NCOA2: variants seen among roughly 807,000 people sequenced by gnomAD.
NCOA2 encodes the protein class E basic helix-loop-helix protein 75.
In NCOA2, 21 loss-of-function variants were observed where a neutral mutation model predicts 145.1. The observed-to-expected ratio is 0.14, with a 90% CI of 0.10 to 0.21. The LOEUF (loss-of-function observed/expected upper bound fraction) is 0.21. Ranked by LOEUF, NCOA2 falls within the 10% of genes least tolerant of loss-of-function variation. NCOA2 has a pLI of 1.00. For synonymous variants in NCOA2, 619 were observed against 637.5 expected, an observed-to-expected ratio of 0.97 and a Z score of 0.44; for missense variants, 1,472 against 1,837.6, an observed-to-expected ratio of 0.80 and a Z score of 3.64.
At chr8:70,292,226 C>T (rs1280079958) in intron 2 of NCOA2, among the ~76,000 whole-genome samples, 1 of 151,890 alleles carries the variant, frequency 6.6e-6, no homozygotes, top group African/African-American at 2.4e-5. Context: ...GATCTCGGCT[C>T]ACTGCAACCT....
intron 1 of NCOA2, among the ~76,000 whole-genome samples, chr8:70,389,867 T>C (rs772383710): frequency 2.0e-5 from 3 of 151,492 alleles, no homozygotes; most frequent in African/African-American, 4.9e-5. Context: ...GGTTTCACCA[T>C]GTTGGGTGGG....
chr8:70,212,580 C>T (rs183112840), intron 4 of NCOA2, among the ~76,000 whole-genome samples: 78 of 152,142 alleles, frequency 5.1e-4, no homozygotes, highest in African/African-American at 1.8e-3. Context: ...CTATTTTATA[C>T]AGAATTTAGC....
At chr8:70,292,074 C>CAA (rs371226539) in intron 2 of NCOA2, among the ~76,000 whole-genome samples, 15 of 94,102 alleles carry the variant, frequency 1.6e-4, no homozygotes, top group Non-Finnish European at 2.2e-4. Context: ...GACGCCGTCT[C>CAA]AAAAAAAAAA....
At chr8:70,305,408 A>G (rs1827811427) in intron 1 of NCOA2, among the ~76,000 whole-genome samples, 1 of 152,192 alleles carries the variant, frequency 6.6e-6, no homozygotes, top group Non-Finnish European at 1.5e-5. Context: ...TCAATACAAT[A>G]AAGAGAACAT....
At chr8:70,281,926 G>A (rs1050582969) in intron 2 of NCOA2, among the ~76,000 whole-genome samples, 4 of 152,118 alleles carry the variant, frequency 2.6e-5, no homozygotes, top group Non-Finnish European at 5.9e-5. Context: ...TCCTAAAAGT[G>A]TATGATATAA....
intron 1 of NCOA2, among the ~76,000 whole-genome samples, chr8:70,356,880 G>A (rs1356924560): frequency 6.6e-6 from 1 of 152,046 alleles, no homozygotes; most frequent in Non-Finnish European, 1.5e-5. Flanking sequence ...TACATAACAG[G>A]GAACATCATT....
At chr8:70,411,812 G>T in the NCOA2 span, among the ~76,000 whole-genome samples, 4 of 152,212 alleles carry the variant, frequency 2.6e-5, no homozygotes, top group African/African-American at 4.8e-5. Flanking sequence ...CAGGATAGTT[G>T]TTACCTTTTG....
At chr8:70,387,236 A>T (rs1812749411) in intron 1 of NCOA2, among the ~76,000 whole-genome samples, 1 of 152,120 alleles carries the variant, frequency 6.6e-6, no homozygotes, top group South Asian at 2.1e-4. Flanking sequence ...TATTCATATA[A>T]CACACTGTAG....
At chr8:70,255,494 T>G (rs932089200) in intron 2 of NCOA2, among the ~76,000 whole-genome samples, 2 of 152,214 alleles carry the variant, frequency 1.3e-5, no homozygotes, top group Non-Finnish European at 2.9e-5. Context: ...CCCAGTTTAT[T>G]TATATTTTAC....
the NCOA2 span, among the ~76,000 whole-genome samples, chr8:70,424,822 T>C: frequency 1.3e-5 from 2 of 152,192 alleles, no homozygotes; most frequent in Non-Finnish European, 2.9e-5. Flanking sequence ...TTACAAAGTG[T>C]TACTCTTCTT....
intron 1 of NCOA2, among the ~76,000 whole-genome samples, chr8:70,400,541 T>C (rs1253090564): frequency 6.6e-6 from 1 of 152,196 alleles, no homozygotes; most frequent in Non-Finnish European, 1.5e-5. Context: ...AGAGTGCCCA[T>C]AAGTAACTAA....
intron 1 of NCOA2, among the ~76,000 whole-genome samples, chr8:70,342,673 G>A (rs1280724437): frequency 6.6e-6 from 1 of 151,196 alleles, no homozygotes; most frequent in Non-Finnish European, 1.5e-5. Context: ...GATATTGCAG[G>A]AGTGCCAGAA....
chr8:70,406,045 G>T (rs191449085), upstream of NCOA2, among the ~76,000 whole-genome samples: 105 of 152,284 alleles, frequency 6.9e-4, no homozygotes, highest in Non-Finnish European at 1.4e-3. Flanking sequence ...ACAGTAGTCT[G>T]TCTTGCACTA....
rs16936938 is a variant in NCOA2 at position 70,354,508 on chromosome 8, T to C, written c.-77+49192A>G. Among the ~76,000 whole-genome samples, 586 of 152,328 alleles carry C rather than the reference T, an allele frequency of 3.8e-3. 9 individuals carry two copies. The highest frequency in any genetic ancestry group is 0.014 in the African/African-American group (563 of 41,580). On this transcript the variant is annotated intron_variant, in intron 1 of 22. Transcript: ENST00000452400. ...CTAGAAAACATATGCTTTGAAAATG[T>C]GCTTTCTTAACACAGAATAACTATT... is the stretch of plus-strand genomic sequence containing the variant.
Position 70,111,614 on chromosome 8 carries a change from AAAG to A in NCOA2, c.*2015_*2017del. 9.2e-6 allele frequency: 2 copies of A among 216,466 alleles called. No individual in the cohort carries two copies. The highest frequency in any genetic ancestry group is 1.9e-5 in the Non-Finnish European group (2 of 107,518). The allele number at this position is 216,466 out of a possible 1,614,324, so 13.4% of individuals were successfully genotyped here. On this transcript the variant is annotated 3_prime_UTR_variant, in exon 23 of 23. Coordinates refer to ENST00000452400, the MANE Select transcript of NCOA2 (RefSeq NM_006540.4). ...TATTGAGACCCCTCTCAAGTGGAAA[AAAG>A]TAGCGAAATGCAAATTTCCAGAAAG...
chr8:70,424,439 T>C, the NCOA2 span: 1 of 480,346 alleles, frequency 2.1e-6, no homozygotes, highest in South Asian at 1.6e-5. Context: ...AGTGTCTGCT[T>C]TCTCAATACC....
intron 2 of NCOA2, among the ~76,000 whole-genome samples, chr8:70,256,648 TCTAAG>T (rs1823655453): frequency 6.6e-6 from 1 of 152,220 alleles, no homozygotes; most frequent in Non-Finnish European, 1.5e-5. Flanking sequence ...CAAATATTGG[TCTAAG>T]CTTTTTATTA....
chr8:70,402,888 C>T (rs1188146336), intron 1 of NCOA2, among the ~76,000 whole-genome samples: 1 of 145,152 alleles, frequency 6.9e-6, no homozygotes, highest in Non-Finnish European at 1.5e-5. Flanking sequence ...GGCTCCCCGC[C>T]CCCACCACGG....
At chr8:70,387,300 G>A (rs185078645) in intron 1 of NCOA2, among the ~76,000 whole-genome samples, 7 of 152,198 alleles carry the variant, frequency 4.6e-5, no homozygotes, top group Middle Eastern at 3.4e-3. Flanking sequence ...TGAGTAGCTG[G>A]GGCTTTGGGT....
Sources: allele counts gnomAD v4.1 joint callset (sites outside exome capture counted in the v4.1 genomes callset), GRCh38; gene constraint gnomAD v4.1.1; transcripts MANE v1.5; gene names NCBI Gene and HGNC (gene_info 2026-07-23, HGNC 2026-07-21).